VAMP7: variants seen among roughly 807,000 people sequenced by gnomAD.
The protein encoded by VAMP7 is vesicle-associated membrane protein 7.
A neutral mutation model predicts 29.6 loss-of-function variants in VAMP7; 14 were observed. The ratio of observed to expected loss-of-function variants is 0.47; its 90% CI spans 0.31 to 0.74. VAMP7 has a LOEUF of 0.74. VAMP7 is among the 30% of genes least tolerant of loss of function. The pLI, the probability that VAMP7 is intolerant of heterozygous loss-of-function variation, is 0.05. For missense variants in VAMP7, 223 were observed against 262.4 expected (o/e 0.85, Z 1.04); for synonymous variants, 95 against 88.1 (o/e 1.08, Z -0.44).
chrX:155,898,448 C>T (rs978267051), intron 4 of VAMP7, among the ~76,000 whole-genome samples, 199 bp downstream of exon 4: 1 of 151,836 alleles, frequency 6.6e-6, no homozygotes, highest in African/African-American at 2.4e-5. Context: ...TCTTTATTAT[C>T]TCTATTAATA....
intron 5 of VAMP7, among the ~76,000 whole-genome samples, chrX:155,906,392 C>T (rs989057158): frequency 6.6e-6 from 1 of 152,134 alleles, no homozygotes; most frequent in African/African-American, 2.4e-5. Flanking sequence ...GGCCACAAAT[C>T]CCCACTGGTC....
chrX:155,925,587 A>T (rs1174779912), intron 6 of VAMP7, among the ~76,000 whole-genome samples: 3 of 152,254 alleles, frequency 2.0e-5, no homozygotes, highest in African/African-American at 7.2e-5. Context: ...ACATCAGTCA[A>T]CATATGCAAG....
In VAMP7 at chrX:155,942,660, A is replaced by G. The variant is rs1396500554; in HGVS notation, c.*709A>G. On this transcript the variant is annotated 3_prime_UTR_variant, in exon 8 of 8. Transcript: ENST00000286448. Reference sequence around the variant, plus strand: ...TTCCCATTGCAGTTGATTTGAGAAGATGAAGGTTTAAATATTGTTGAAAGT... The same window carrying G: ...TTCCCATTGCAGTTGATTTGAGAAGGTGAAGGTTTAAATATTGTTGAAAGT... 2 of 154,288 alleles carry G rather than the reference A, an allele frequency of 1.3e-5. No homozygotes were observed. Among genetic ancestry groups the G allele is most frequent in the East Asian group, 1.9e-4 (1 of 5,234 alleles). The allele number at this position is 154,288 out of a possible 1,614,324, so 9.6% of individuals were successfully genotyped here.
chrX:155,909,223 A>G (rs995705635), intron 5 of VAMP7, among the ~76,000 whole-genome samples: 8 of 152,096 alleles, frequency 5.3e-5, no homozygotes, highest in African/African-American at 1.9e-4. Flanking sequence ...GTATCTTTCT[A>G]GGAATTTGTG....
At chrX:155,936,211 T>TCTGTCCTGGGAGA (rs1801680657) in intron 6 of VAMP7, among the ~76,000 whole-genome samples, 1 of 152,240 alleles carries the variant, frequency 6.6e-6, no homozygotes, top group Admixed American at 6.5e-5. Flanking sequence ...GGAGAACCAC[T>TCTGTCCTGGGAGA]ACTCTCTTCA....
At chrX:155,899,279 T>C (rs2066027913) in intron 4 of VAMP7, among the ~76,000 whole-genome samples, 1 of 152,016 alleles carries the variant, frequency 6.6e-6, no homozygotes, top group Non-Finnish European at 1.5e-5. Context: ...TGTCTCTGCG[T>C]CCTTGCCAGT....
chrX:155,937,370 G>C (rs1187458560), intron 6 of VAMP7, among the ~76,000 whole-genome samples: 2 of 152,132 alleles, frequency 1.3e-5, no homozygotes, highest in African/African-American at 2.4e-5. Flanking sequence ...TAATAATAAT[G>C]TATTGAATAT....
chrX:155,932,692 C>G (rs1036169818), intron 6 of VAMP7, among the ~76,000 whole-genome samples: 5 of 152,092 alleles, frequency 3.3e-5, no homozygotes, highest in Non-Finnish European at 7.4e-5. Flanking sequence ...ATTGAATACC[C>G]TTTATGTCTT....
At chrX:155,899,889 AGCACT>A (rs1421016444) in intron 4 of VAMP7, among the ~76,000 whole-genome samples, 1 of 152,108 alleles carries the variant, frequency 6.6e-6, no homozygotes, top group Admixed American at 6.6e-5. Context: ...TCCCGTTTGA[AGCACT>A]TAACACAATG....
intron 1 of VAMP7, among the ~76,000 whole-genome samples, chrX:155,888,730 C>T (rs888614310): frequency 3.3e-5 from 5 of 152,076 alleles, no homozygotes; most frequent in African/African-American, 9.7e-5. Flanking sequence ...CACTTTGTTT[C>T]TGTTATGGAT....
intron 6 of VAMP7, among the ~76,000 whole-genome samples, chrX:155,925,472 A>C (rs1261471808): frequency 1.3e-5 from 2 of 152,208 alleles, no homozygotes; most frequent in Non-Finnish European, 2.9e-5. Flanking sequence ...TATTTTGCCA[A>C]AGTTGAGAGC....
intron 3 of VAMP7, among the ~76,000 whole-genome samples, chrX:155,896,252 C>G (rs1219974685): frequency 2.0e-5 from 3 of 152,136 alleles, no homozygotes; most frequent in African/African-American, 7.2e-5. Flanking sequence ...CTTGCAACTT[C>G]TATATTTATT....
intron 3 of VAMP7, among the ~76,000 whole-genome samples, chrX:155,897,735 A>G (rs1024915747): frequency 1.3e-5 from 2 of 152,150 alleles, no homozygotes; most frequent in Non-Finnish European, 2.9e-5. Flanking sequence ...GAAAGACTCT[A>G]TGATTATTAT....
Position 155,943,474 on chromosome X carries a change from C to A in VAMP7, c.*1523C>A, listed in dbSNP as rs2124421229. The stretch of plus-strand genomic sequence containing the variant: ...CAAACGTTTTTCCAGTCTTCTTTAT[C>A]AACACTAATGCCTCTTAATTGCATC... On this transcript the variant is annotated 3_prime_UTR_variant, in exon 8 of 8. Transcript: ENST00000286448. The A allele has an allele frequency of 6.6e-6, 1 of 152,574 alleles. No individual in the cohort carries two copies. Among genetic ancestry groups the A allele is most frequent in the East Asian group, 1.9e-4 (1 of 5,168 alleles). The allele number at this position is 152,574 out of a possible 1,614,324, so 9.5% of individuals were successfully genotyped here. A position where few individuals can be genotyped will look rare whatever the true frequency, so the allele number is the denominator to read the frequency against.
At chrX:155,941,365 G>A (rs1023871378) in intron 7 of VAMP7, among the ~76,000 whole-genome samples, 9 of 151,936 alleles carry the variant, frequency 5.9e-5, no homozygotes, top group Admixed American at 4.6e-4. Context: ...TTTGGTCATC[G>A]TAATTATTGT....
intron 4 of VAMP7, 35 bp from the exon 5 acceptor site, chrX:155,900,462 C>G (rs2066046053): frequency 6.6e-7 from 1 of 1,511,180 alleles, no homozygotes; most frequent in African/African-American, 1.4e-5. Flanking sequence ...TAAATAATGT[C>G]TAGGTACCAT....
At position 155,895,579 on chromosome X, in the gene VAMP7, T is replaced by C. The variant is rs183638118; in HGVS notation, c.147-44T>C. The C allele has an allele frequency of 7.0e-6, 10 of 1,428,164 alleles. No individual in the cohort carries two copies. In the East Asian group the frequency reaches 2.3e-4, roughly 33 times the overall value. 88.5% of individuals were successfully genotyped at this position (1,428,164 alleles called of 1,614,324 possible). On this transcript the variant is annotated intron_variant, in intron 2 of 7. Coordinates refer to ENST00000286448, the MANE Select transcript of VAMP7 (RefSeq NM_005638.6). ...AGATAGAAGATAGAAGTAAAAGTGA[T>C]GTTGCTTATAACCACAGTAAGTTTT...
chrX:155,940,651 C>T (rs2066730039), intron 7 of VAMP7, among the ~76,000 whole-genome samples: 1 of 152,142 alleles, frequency 6.6e-6, no homozygotes, highest in Non-Finnish European at 1.5e-5. Flanking sequence ...GCTCTAAATG[C>T]AATATCAATC....
rs2066197246 is a variant in VAMP7 at position 155,909,160 on chromosome X, C to T, written c.433+8573C>T. ...TAAAATTACTGATTTAGTCTCTATG[C>T]TTGCTGTAGCTATTCAGATTTTTTA... On this transcript the variant is annotated intron_variant, in intron 5 of 7. Transcript: ENST00000286448. 2.0e-5 allele frequency among the ~76,000 whole-genome samples: 3 copies of T among 152,140 alleles called. No homozygotes were observed. The South Asian group carries it at 6.2e-4, about 32-fold the overall frequency.
Sources: gnomAD v4.1 joint callset for allele counts (sites outside exome capture counted in the v4.1 genomes callset) on GRCh38, gnomAD v4.1.1 for gene constraint, MANE v1.5 for transcripts, NCBI Gene and HGNC (gene_info 2026-07-23, HGNC 2026-07-21) for gene names.